CCDC183: variants seen among roughly 807,000 people sequenced by gnomAD.
The protein encoded by CCDC183 is coiled-coil domain containing 183, also known as coiled-coil domain-containing protein 183.
CCDC183 carries 63 observed loss-of-function variants against 65.2 expected under a neutral mutation model. The ratio of observed to expected loss-of-function variants is 0.97; its 90% CI spans 0.79 to 1.19. The LOEUF (loss-of-function observed/expected upper bound fraction) is 1.19. CCDC183 is among the 50% of genes most tolerant of loss of function. The pLI, the probability that CCDC183 is intolerant of heterozygous loss-of-function variation, is 0.00. For synonymous variants in CCDC183, 323 were observed against 276.5 expected (o/e 1.17, Z -1.67); for missense variants, 769 against 689.3 (o/e 1.12, Z -1.30).
chr9:136,805,897 G>C (rs898140849), intron 9 of CCDC183, among the ~76,000 whole-genome samples, 181 bp from the exon 10 acceptor site: 1 of 152,216 alleles, frequency 6.6e-6, no homozygotes, highest in Admixed American at 6.5e-5. Flanking sequence ...AGGAAGCTGA[G>C]GTGGGAGGAT....
intron 9 of CCDC183, 74 bp downstream of exon 9, chr9:136,805,531 C>T (rs1038912023): frequency 1.5e-6 from 2 of 1,343,026 alleles, no homozygotes; most frequent in Non-Finnish European, 1.1e-6. Flanking sequence ...TGCTCCCTGG[C>T]ACTCCCGGAG....
intron 1 of CCDC183, among the ~76,000 whole-genome samples, chr9:136,797,781 G>C (rs1231406964): frequency 6.6e-6 from 1 of 152,132 alleles, no homozygotes; most frequent in African/African-American, 2.4e-5. Context: ...CACCTGACGA[G>C]AAATACCCGC....
chr9:136,801,572 G>A (rs1161227113), intron 5 of CCDC183, among the ~76,000 whole-genome samples: 1 of 151,824 alleles, frequency 6.6e-6, no homozygotes, highest in Non-Finnish European at 1.5e-5. Flanking sequence ...CTGGCATGGT[G>A]GTGCATGCCT....
Position 136,800,068 on chromosome 9 carries a change from C to G in CCDC183, c.337C>G (p.Leu113Val). The G allele has an allele frequency of 6.3e-7, 1 of 1,581,784 alleles. No homozygotes were observed. The highest frequency in any genetic ancestry group is 8.6e-7 in the Non-Finnish European group (1 of 1,165,036). The change falls in exon 4 of 14, where the codon CTG becomes GTG. Residue 113 changes from leucine (L) to valine (V), a missense_variant. Physicochemically the swap from Leu to Val is conservative, Grantham distance 32 (BLOSUM62 1). Coordinates refer to ENST00000338005, the MANE Select transcript of CCDC183 (RefSeq NM_001039374.5). ...RVNMHNLLIH[L>V]VRRRGQKLES... The stretch of plus-strand genomic sequence containing the variant: ...GAACATGCACAACCTACTGATCCAC[C>G]TGGTGCGGCGGCGCGGGCAGAAGCT...
At position 136,806,871 on chromosome 9, in the gene CCDC183, G is replaced by C; in HGVS notation, c.1389+4G>C. 1 of 1,613,470 alleles carries C rather than the reference G, an allele frequency of 6.2e-7. No individual in the cohort carries two copies. The highest frequency in any genetic ancestry group is 8.5e-7 in the Non-Finnish European group (1 of 1,180,014). On this transcript the variant is annotated splice_donor_region_variant and intron_variant, in intron 12 of 13. Coordinates refer to ENST00000338005, the MANE Select transcript of CCDC183 (RefSeq NM_001039374.5). ...GATGGTGTCCAGGACCGAGGAGGTA[G>C]CCCCGGGCTGGGAGGAACCTGCACA...
At chr9:136,799,320 C>G (rs183486275) in intron 2 of CCDC183, 97 bp downstream of exon 2, 10 of 1,471,106 alleles carry the variant, frequency 6.8e-6, no homozygotes, top group Non-Finnish European at 8.1e-6. Flanking sequence ...CACCCCCACC[C>G]CAATCTTTCT....
Position 136,799,799 on chromosome 9 carries a change from G to A in CCDC183, c.270+9G>A, listed in dbSNP as rs750151018. 4 of 1,611,560 alleles carry A rather than the reference G, an allele frequency of 2.5e-6. No homozygotes were observed. The highest frequency in any genetic ancestry group is 2.5e-6 in the Non-Finnish European group (3 of 1,179,000). ...GCCGCAGCACCATGGAGGTAACCAGGCAGGAGGGGCCTCGAGACCCAACCC... is the reference window on the plus strand; with the variant it reads ...GCCGCAGCACCATGGAGGTAACCAGACAGGAGGGGCCTCGAGACCCAACCC... On this transcript the variant is annotated intron_variant, in intron 3 of 13. Transcript: ENST00000338005.
chr9:136,806,864 G>A lies in CCDC183; in HGVS notation c.1386G>A (p.Glu462=), dbSNP rs912803882. Residue 462 remains glutamate (E), a synonymous_variant, in exon 12 of 14, where the codon GAG becomes GAA. Transcript: ENST00000338005. ...ADRVQMVSRT[E]EGDTKVRDTL... ...GAGTGCAGATGGTGTCCAGGACCGA[G>A]GAGGTAGCCCCGGGCTGGGAGGAAC... The A allele has an allele frequency of 7.4e-6, 12 of 1,613,426 alleles. No homozygotes were observed. The highest frequency in any genetic ancestry group is 9.3e-6 in the Non-Finnish European group (11 of 1,180,002).
Position 136,799,762 on chromosome 9 carries a change from GACTGGC to G in CCDC183, c.243_248del (p.Leu82_Ala83del). The G allele has an allele frequency of 6.2e-7, 1 of 1,613,202 alleles. No homozygotes were observed. The highest frequency in any genetic ancestry group is 2.2e-5 in the East Asian group (1 of 44,874). ...GCCTGCGGGAAAAACTTGCCTTTGC[GACTGGC>G]GCACTGCCGCAGCACCATGGAGGTA... On this transcript the variant is annotated inframe_deletion, in exon 3 of 14. Transcript: ENST00000338005.
chr9:136,801,108 C>T (rs1847731060), intron 5 of CCDC183, among the ~76,000 whole-genome samples: 1 of 152,194 alleles, frequency 6.6e-6, no homozygotes, highest in African/African-American at 2.4e-5. Context: ...CAAAGGGGAG[C>T]TCTGGAGAGC....
rs770047231 is a variant in CCDC183 at position 136,807,544 on chromosome 9, G to A, written c.1487-28G>A. 5.7e-6 allele frequency: 9 copies of A among 1,570,956 alleles called. No individual in the cohort carries two copies. In the South Asian group the frequency reaches 5.8e-5, roughly 10 times the overall value. Reference sequence around the variant, plus strand: ...GGCTGCGCCTAGCTGGGCTAGCCCCGTGTGCGAGCCGCCGCCTCCGCCCGC... The same window carrying A: ...GGCTGCGCCTAGCTGGGCTAGCCCCATGTGCGAGCCGCCGCCTCCGCCCGC... On this transcript the variant is annotated intron_variant, in intron 13 of 13. Transcript: ENST00000338005.
rs370589188 is a variant in CCDC183 at position 136,804,297 on chromosome 9, C to T, written c.667-205C>T. The stretch of plus-strand genomic sequence containing the variant: ...GAGGGCAGCAGAGCGTCTGGGCTGG[C>T]ACATGCTCTGAGGCATGGGCAAGGA... On this transcript the variant is annotated intron_variant, in intron 6 of 13. Coordinates refer to ENST00000338005, the MANE Select transcript of CCDC183 (RefSeq NM_001039374.5). The surrounding 1 kb of genome is among the most constrained non-coding windows in gnomAD (Gnocchi z 4.1). 1.6e-6 allele frequency: 1 copy of T among 641,404 alleles called. No homozygotes were observed. The highest frequency in any genetic ancestry group is 2.6e-6 in the Non-Finnish European group (1 of 387,912). 39.7% of individuals were successfully genotyped at this position (641,404 alleles called of 1,614,324 possible). A position where few individuals can be genotyped will look rare whatever the true frequency, so the allele number is the denominator to read the frequency against.
chr9:136,802,625 C>T, intron 5 of CCDC183, 39 bp from the exon 6 acceptor site: 1 of 1,572,344 alleles, frequency 6.4e-7, no homozygotes, highest in East Asian at 2.3e-5. Context: ...AACTGCAGCC[C>T]ACTCTGTAGG....
In CCDC183 at chr9:136,806,127, A is replaced by G; in HGVS notation, c.998A>G (p.Glu333Gly). The change falls in exon 10 of 14, where the codon GAG (glutamate) becomes GGG (glycine). Residue 333 changes from glutamate to glycine, a missense_variant. By Grantham distance (98) the Glu-to-Gly change is moderately conservative. Coordinates refer to ENST00000338005, the MANE Select transcript of CCDC183 (RefSeq NM_001039374.5). ...LAQRNTEENL[E>G]LQMEDCEEWR... ...CAGAGGAACACGGAGGAGAACCTGG[A>G]GCTGCAGATGGAGGACTGTGAGGAG... 1 of 1,556,974 alleles carries G rather than the reference A, an allele frequency of 6.4e-7. No homozygotes were observed. The highest frequency in any genetic ancestry group is 8.7e-7 in the Non-Finnish European group (1 of 1,150,084).
In CCDC183 at chr9:136,802,712, G is replaced by C; in HGVS notation, c.592G>C (p.Val198Leu). 1 of 1,613,558 alleles carries C rather than the reference G, an allele frequency of 6.2e-7. No individual in the cohort carries two copies. ...IELDKLQNLV[V>L]NYCSELSDMK... ...GCTGGACAAGCTGCAGAACCTCGTG[G>C]TCAACTACTGCTCAGAGCTGTCGGA... Residue 198 changes from valine to leucine, a missense_variant, in exon 6 of 14, where the codon GTC becomes CTC. Transcript: ENST00000338005.
chr9:136,800,392 A>T lies in CCDC183; in HGVS notation c.442A>T (p.Ile148Phe). Residue 148 changes from isoleucine (I) to phenylalanine (F), a missense_variant, in exon 5 of 14, where the codon ATC becomes TTC. Transcript: ENST00000338005. Reference protein sequence around the residue: ...SKEELRLLQIIRQLENNIEKT... With the variant: ...SKEELRLLQIFRQLENNIEKT... ...CTGCGCCCTCGGTCCGCCCCAGATCATCCGCCAGCTGGAGAACAACATCGA... is the reference window on the plus strand; with the variant it reads ...CTGCGCCCTCGGTCCGCCCCAGATCTTCCGCCAGCTGGAGAACAACATCGA... 1 of 1,609,386 alleles carries T rather than the reference A, an allele frequency of 6.2e-7. No homozygotes were observed. The highest frequency in any genetic ancestry group is 8.5e-7 in the Non-Finnish European group (1 of 1,178,046).
At chr9:136,806,295 G>C in intron 10 of CCDC183, 57 bp downstream of exon 10, 1 of 1,530,660 alleles carries the variant, frequency 6.5e-7, no homozygotes, top group Non-Finnish European at 8.8e-7. Flanking sequence ...AAGGCCCCGG[G>C]CTGCAGCCAG....
intron 5 of CCDC183, chr9:136,800,725 AT>A (rs1847726055): frequency 1.9e-6 from 1 of 539,918 alleles, no homozygotes; most frequent in Non-Finnish European, 3.3e-6. Flanking sequence ...TCTTGCACGT[AT>A]TAAATGATTT....
intron 1 of CCDC183, 29 bp downstream of exon 1, chr9:136,796,496 C>T (rs1194991677): frequency 6.6e-7 from 1 of 1,519,088 alleles, no homozygotes; most frequent in African/African-American, 1.4e-5. Flanking sequence ...GACCAGTCTC[C>T]CTTTCCCGTC....
Sources: allele counts gnomAD v4.1 joint callset (sites outside exome capture counted in the v4.1 genomes callset), GRCh38; gene constraint gnomAD v4.1.1; non-coding constraint Gnocchi (gnomAD v3.1); transcripts MANE v1.5; gene names NCBI Gene and HGNC (gene_info 2026-07-23, HGNC 2026-07-21).